Variants in FKBP2 observed in about 807,000 individuals in gnomAD.
FKBP2 encodes the protein FKBP prolyl isomerase 2.
FKBP2 carries 15 observed loss-of-function variants against 19.4 expected under a neutral mutation model. The ratio of observed to expected loss-of-function variants is 0.77; its 90% CI spans 0.52 to 1.19. The LOEUF (loss-of-function observed/expected upper bound fraction) is 1.19. FKBP2 is among the 50% of genes most tolerant of loss of function. The pLI is 0.00. For synonymous variants in FKBP2, 76 were observed against 74.8 expected, an observed-to-expected ratio of 1.02 and a Z score of -0.08; for missense variants, 170 against 179.0, an observed-to-expected ratio of 0.95 and a Z score of 0.29.
At chr11:64,242,582 T>G in intron 2 of FKBP2, 24 bp downstream of exon 2, 1 of 1,522,462 alleles carries the variant, frequency 6.6e-7, no homozygotes. Flanking sequence ...GCGGGCCTTT[T>G]GGGAGTGGGT....
Position 64,243,416 on chromosome 11 carries a change from G to A in FKBP2, c.285-35G>A, listed in dbSNP as rs1395654976. 3.1e-6 allele frequency: 5 copies of A among 1,613,728 alleles called. 1 individual carries two copies. The highest frequency in any genetic ancestry group is 2.2e-5 in the South Asian group (2 of 91,024). On this transcript the variant is annotated intron_variant, in intron 3 of 5. Coordinates refer to ENST00000309366, the MANE Select transcript of FKBP2 (RefSeq NM_004470.4). ...CAGGGATACAAGACAAGGGCCCTGG[G>A]TGCTGCCATGGGCTGAGCATGTGTC...
Position 64,243,288 on chromosome 11 carries a change from G to T in FKBP2, c.261G>T (p.Lys87Asn). ...VFSLGTGQVI[K>N]GWDQGLLGMC... ...CCCTTGGCACAGGCCAGGTCATCAA[G>T]GGCTGGGACCAGGGGCTGCTGGGGT... Residue 87 changes from lysine (K) to asparagine (N), a missense_variant, in exon 3 of 6, where the codon AAG (lysine) becomes AAT (asparagine). Physicochemically the swap from Lys to Asn is moderately conservative, Grantham distance 94. Coordinates refer to ENST00000309366, the MANE Select transcript of FKBP2 (RefSeq NM_004470.4). 1 of 1,608,774 alleles carries T rather than the reference G, an allele frequency of 6.2e-7. No homozygotes were observed. Among genetic ancestry groups the T allele is most frequent in the South Asian group, 1.1e-5 (1 of 90,432 alleles).
Position 64,243,383 on chromosome 11 carries a change from G to T in FKBP2, c.285-68G>T, listed in dbSNP as rs536777365. On this transcript the variant is annotated intron_variant, in intron 3 of 5. Coordinates refer to ENST00000309366, the MANE Select transcript of FKBP2 (RefSeq NM_004470.4). ...CCGCCCAGGAGGTAAGCTGTGGGAGGCAAGCCCCAGGGATACAAGACAAGG... is the reference window on the plus strand; with the variant it reads ...CCGCCCAGGAGGTAAGCTGTGGGAGTCAAGCCCCAGGGATACAAGACAAGG... The T allele has an allele frequency of 6.2e-5, 100 of 1,607,796 alleles. No homozygotes were observed. The South Asian group carries it at 9.5e-4, about 15-fold the overall frequency.
At chr11:64,241,760 G>C (rs1265433722) in intron 1 of FKBP2, 1 of 152,504 alleles carries the variant, frequency 6.6e-6, no homozygotes, top group Non-Finnish European at 1.5e-5. Context: ...GGTGTGGGTG[G>C]AGCGGGCTCG....
In FKBP2 at chr11:64,242,424, TCC is replaced by T. The variant is rs2030574881; in HGVS notation, c.38_39del (p.Ser13TyrfsTer54). 1 of 1,553,962 alleles carries T rather than the reference TCC, an allele frequency of 6.4e-7. No individual in the cohort carries two copies. The highest frequency in any genetic ancestry group is 8.7e-7 in the Non-Finnish European group (1 of 1,154,548). Reference sequence around the variant, plus strand: ...CTGGTTCCGGGTCCTGACAGTACTGTCCATCTGCCTGAGCGCCGTGGCCACGG... The same window carrying T: ...CTGGTTCCGGGTCCTGACAGTACTGTATCTGCCTGAGCGCCGTGGCCACGG... ...LSWFRVLTVL[S>X]ICLSAVATAT... On this transcript the variant is annotated frameshift_variant, in exon 2 of 6. Coordinates refer to ENST00000309366, the MANE Select transcript of FKBP2 (RefSeq NM_004470.4). LOFTEE classifies it high-confidence loss of function.
intron 4 of FKBP2, 132 bp downstream of exon 4, chr11:64,243,629 G>T: frequency 8.8e-6 from 11 of 1,254,822 alleles, no homozygotes; most frequent in Non-Finnish European, 1.3e-5. Context: ...AAGTTTGGCT[G>T]TGTCTAGCAG....
rs756441894 is a variant in FKBP2, at chr11:64,242,466, G to A, written c.79G>A (p.Gly27Ser). The A allele has an allele frequency of 1.9e-6, 3 of 1,550,734 alleles. No individual in the cohort carries two copies. The Admixed American group carries it at 6.7e-5, about 35-fold the overall frequency. ...CGTGGCCACGGCCACGGGGGCCGAG[G>A]GCAAAAGGAAGCTGCAGATCGGGGT... ...SAVATATGAEGKRKLQIGVKK... is the reference protein window; with the variant it reads ...SAVATATGAESKRKLQIGVKK... The change falls in exon 2 of 6, where the codon GGC becomes AGC. Residue 27 changes from glycine (G) to serine (S), a missense_variant. Physicochemically the swap from Gly to Ser is moderately conservative, Grantham distance 56 (BLOSUM62 0). Coordinates refer to ENST00000309366, the MANE Select transcript of FKBP2 (RefSeq NM_004470.4).
chr11:64,243,111 G>T (rs1318485952), intron 2 of FKBP2, 88 bp from the exon 3 acceptor site: 6 of 1,204,098 alleles, frequency 5.0e-6, no homozygotes, highest in African/African-American at 1.5e-5. Flanking sequence ...GGTGGGCGTG[G>T]GGGGGCAGCT....
At position 64,243,314 on chromosome 11, in the gene FKBP2, G is replaced by A; in HGVS notation, c.284+3G>A. The A allele has an allele frequency of 6.9e-6, 11 of 1,601,028 alleles. No homozygotes were observed. Among genetic ancestry groups the A allele is most frequent in the Non-Finnish European group, 9.4e-6 (11 of 1,172,252 alleles). Reference sequence around the variant, plus strand: ...GGCTGGGACCAGGGGCTGCTGGGGTGAGTCATGGGGGAATGGGCTTGGGAG... The same window carrying A: ...GGCTGGGACCAGGGGCTGCTGGGGTAAGTCATGGGGGAATGGGCTTGGGAG... On this transcript the variant is annotated splice_donor_region_variant and intron_variant, in intron 3 of 5. Coordinates refer to ENST00000309366, the MANE Select transcript of FKBP2 (RefSeq NM_004470.4).
rs2030746569 is a variant in FKBP2 at position 64,244,065 on chromosome 11, C to A, written c.*36C>A. 1 of 1,598,092 alleles carries A rather than the reference C, an allele frequency of 6.3e-7. No homozygotes were observed. The highest frequency in any genetic ancestry group is 8.6e-7 in the Non-Finnish European group (1 of 1,165,958). ...GAGGGGCAGGGGGAGAGGCCCCCAT[C>A]AGGGACCAGACTGTTCCAAAAAAAA... On this transcript the variant is annotated 3_prime_UTR_variant, in exon 6 of 6. Coordinates refer to ENST00000309366, the MANE Select transcript of FKBP2 (RefSeq NM_004470.4).
rs749880328 is a variant in FKBP2, at chr11:64,243,863, C to A, written c.354C>A (p.Pro118=). ...SELGYGERGA[P]PKIPGGATLV... is the part of the protein sequence containing the mutation. ...CAGGGTATGGAGAGCGGGGAGCTCC[C>A]CCAAAGATTCCAGGTAGTAAACCTT... Residue 118 remains proline, a synonymous_variant, in exon 5 of 6, where the codon CCC becomes CCA. Coordinates refer to ENST00000309366, the MANE Select transcript of FKBP2 (RefSeq NM_004470.4). The A allele has an allele frequency of 1.1e-5, 17 of 1,614,174 alleles. 1 individual carries two copies. In the South Asian group the frequency reaches 1.9e-4, roughly 18 times the overall value.
chr11:64,241,572 G>T (rs967163441), intron 1 of FKBP2: 1 of 152,874 alleles, frequency 6.5e-6, no homozygotes, highest in Non-Finnish European at 1.5e-5. Flanking sequence ...AAGGGGTCTA[G>T]TTCTGTCGAA....
At chr11:64,243,938 T>C in intron 5 of FKBP2, 30 bp from the exon 6 acceptor site, 1 of 1,614,072 alleles carries the variant, frequency 6.2e-7, no homozygotes, top group Non-Finnish European at 8.5e-7. Context: ...TGGCCCTGGT[T>C]GGCATTTTGA....
chr11:64,244,086 A>G lies in FKBP2; in HGVS notation c.*57A>G, dbSNP rs1165907142. The G allele has an allele frequency of 1.3e-6, 2 of 1,568,798 alleles. No individual in the cohort carries two copies. Among genetic ancestry groups the G allele is most frequent in the East Asian group, 4.5e-5 (2 of 44,580 alleles). ...CCATCAGGGACCAGACTGTTCCAAA[A>G]AAAAAACAAAAAACAAAAACAAACA... is the stretch of plus-strand genomic sequence containing the variant. On this transcript the variant is annotated 3_prime_UTR_variant, in exon 6 of 6. Transcript: ENST00000309366.
chr11:64,242,613 A>G lies in FKBP2; in HGVS notation c.171+55A>G, dbSNP rs2070765. On this transcript the variant is annotated intron_variant, in intron 2 of 5. Transcript: ENST00000309366. ...TGGGTGGGGCTTCCGAGGACCAGAG[A>G]GTGCTTGGGAGTCTGGTTCTCCATA... The G allele has an allele frequency of 0.18, 262,512 of 1,495,130 alleles. 23,979 individuals are homozygous for G. Among genetic ancestry groups the G allele is most frequent in the Admixed American group, 0.3 (11,663 of 39,176 alleles). 92.6% of individuals were successfully genotyped at this position (1,495,130 alleles called of 1,614,324 possible).
chr11:64,243,740 A>T (rs760500005), intron 4 of FKBP2, 101 bp from the exon 5 acceptor site: 2 of 1,514,756 alleles, frequency 1.3e-6, no homozygotes, highest in Non-Finnish European at 1.8e-6. Flanking sequence ...ACCCTTCTCC[A>T]TTTCTGGCCT....
rs765773067 is a variant in FKBP2, at chr11:64,242,304, C to T, written c.-4-80C>T. 474 of 1,321,230 alleles carry T rather than the reference C, an allele frequency of 3.6e-4. 1 individual carries two copies. Among genetic ancestry groups the T allele is most frequent in the South Asian group, 4.4e-4 (27 of 61,686 alleles). The allele number at this position is 1,321,230 out of a possible 1,614,324, so 81.8% of individuals were successfully genotyped here. A position where few individuals can be genotyped will look rare whatever the true frequency, so the allele number is the denominator to read the frequency against. The stretch of plus-strand genomic sequence containing the variant: ...AAGGAAGATACAGTGGCGGTGGAAC[C>T]CTCCTGTTACCTACCCGTGTTCCAT... On this transcript the variant is annotated intron_variant, in intron 1 of 5. Coordinates refer to ENST00000309366, the MANE Select transcript of FKBP2 (RefSeq NM_004470.4).
In FKBP2 at chr11:64,243,849, G is replaced by A; in HGVS notation, c.340G>A (p.Glu114Lys). 6.2e-7 allele frequency: 1 copy of A among 1,614,174 alleles called. No homozygotes were observed. The highest frequency in any genetic ancestry group is 8.5e-7 in the Non-Finnish European group (1 of 1,180,002). Residue 114 changes from glutamate (E) to lysine (K), a missense_variant, in exon 5 of 6, where the codon GAG becomes AAG. Glu to Lys is a moderately conservative substitution (Grantham distance 56). Transcript: ENST00000309366. The part of the protein sequence containing the change: ...LVIPSELGYG[E>K]RGAPPKIPGG... ...TTGTGCATCTTCAACAGGGTATGGA[G>A]AGCGGGGAGCTCCCCCAAAGATTCC... is the stretch of plus-strand genomic sequence containing the variant.
In FKBP2 at chr11:64,243,183, T is replaced by C. The variant is rs745783324; in HGVS notation, c.172-16T>C. On this transcript the variant is annotated splice_polypyrimidine_tract_variant and intron_variant, in intron 2 of 5. Transcript: ENST00000309366. The stretch of plus-strand genomic sequence containing the variant: ...GTGGTCCCCTCTTCCTCACTGGCCT[T>C]CTCATGGTTCCACAGGGGAAGCTGG... 10 of 1,612,514 alleles carry C rather than the reference T, an allele frequency of 6.2e-6. No individual in the cohort carries two copies. The highest frequency in any genetic ancestry group is 7.6e-6 in the Non-Finnish European group (9 of 1,179,210).
Sources: gnomAD v4.1 joint callset for allele counts on GRCh38, gnomAD v4.1.1 for gene constraint, MANE v1.5 for transcripts, NCBI Gene and HGNC (gene_info 2026-07-23, HGNC 2026-07-21) for gene names.